FAM163A: variants seen among roughly 807,000 people sequenced by gnomAD.
FAM163A encodes the protein family with sequence similarity 163 member A.
FAM163A carries 7 observed loss-of-function variants against 12.0 expected under a neutral mutation model. That is an observed-to-expected ratio of 0.58 (90% CI 0.33 to 1.10). FAM163A has a LOEUF of 1.10. Ranked by LOEUF, FAM163A falls within the 50% of genes least tolerant of loss-of-function variation. FAM163A has a pLI of 0.03. For synonymous variants in FAM163A, 101 were observed against 91.0 expected (o/e 1.11, Z -0.62); for missense variants, 202 against 218.6 (o/e 0.92, Z 0.48).
chr1:179,775,614 G>A (rs1244855798), intron 1 of FAM163A, among the ~76,000 whole-genome samples: 1 of 152,166 alleles, frequency 6.6e-6, no homozygotes, highest in African/African-American at 2.4e-5. Context: ...TCCTATTCAG[G>A]GGAGCCTTGC....
chr1:179,728,140 G>A, the FAM163A span, among the ~76,000 whole-genome samples: 1 of 152,056 alleles, frequency 6.6e-6, no homozygotes, highest in Non-Finnish European at 1.5e-5. Flanking sequence ...CACATAGTAA[G>A]CACATCCCTA....
chr1:179,781,276 A>G (rs1245145209), intron 1 of FAM163A, among the ~76,000 whole-genome samples: 1 of 152,182 alleles, frequency 6.6e-6, no homozygotes, highest in Non-Finnish European at 1.5e-5. Flanking sequence ...TGAATTGTAC[A>G]CTTTCAGATG....
chr1:179,773,239 G>A (rs980154706), intron 1 of FAM163A, among the ~76,000 whole-genome samples: 1 of 152,038 alleles, frequency 6.6e-6, no homozygotes, highest in African/African-American at 2.4e-5. Context: ...GGCTACCAAA[G>A]GATAGCACCA....
intron 1 of FAM163A, among the ~76,000 whole-genome samples, chr1:179,751,471 T>A (rs1227835503): frequency 6.6e-6 from 1 of 151,826 alleles, no homozygotes; most frequent in Non-Finnish European, 1.5e-5. Flanking sequence ...GGAAAAGAGA[T>A]CATAGGTGGT....
chr1:179,745,709 G>A (rs999683256), intron 1 of FAM163A, among the ~76,000 whole-genome samples: 1 of 152,184 alleles, frequency 6.6e-6, no homozygotes, highest in African/African-American at 2.4e-5. Context: ...ACAAGGTTTT[G>A]CAAAATTACT....
intron 1 of FAM163A, among the ~76,000 whole-genome samples, chr1:179,784,866 C>A (rs1690379534): frequency 6.6e-6 from 1 of 152,244 alleles, no homozygotes; most frequent in East Asian, 1.9e-4. Flanking sequence ...TAACAAGTAA[C>A]TTTAATCCTC....
intron 1 of FAM163A, among the ~76,000 whole-genome samples, chr1:179,769,163 T>G (rs190344302): frequency 1.3e-3 from 193 of 152,292 alleles, no homozygotes; most frequent in African/African-American, 4.5e-3. Flanking sequence ...TTATTTACTT[T>G]GAGACAAGAT....
chr1:179,749,979 T>C (rs1557891840), intron 1 of FAM163A, among the ~76,000 whole-genome samples: 1 of 152,232 alleles, frequency 6.6e-6, no homozygotes, highest in Non-Finnish European at 1.5e-5. Flanking sequence ...TATCAGCTTA[T>C]TTATTGTCTG....
intron 1 of FAM163A, among the ~76,000 whole-genome samples, chr1:179,779,030 G>C (rs548591735): frequency 6.6e-6 from 1 of 152,290 alleles, no homozygotes; most frequent in South Asian, 2.1e-4. Flanking sequence ...GTTTAGGCAG[G>C]ACAGAAACCT....
At chr1:179,741,897 G>T (rs1049563616), upstream of FAM163A, 1 of 152,222 alleles carries the variant, frequency 6.6e-6, no homozygotes, top group Non-Finnish European at 1.5e-5. Context: ...AATGACCTGG[G>T]TGGTGTTTGG....
intron 1 of FAM163A, among the ~76,000 whole-genome samples, chr1:179,743,792 C>G (rs1035650321): frequency 3.9e-5 from 6 of 152,146 alleles, no homozygotes; most frequent in Non-Finnish European, 8.8e-5. Flanking sequence ...CGGGCCGTGC[C>G]GAAGGCGCTC....
At position 179,755,136 on chromosome 1, in the gene FAM163A, C is replaced by CAAA. The variant is rs35201060; in HGVS notation, c.-136+11727_-136+11729dup. Among the ~76,000 whole-genome samples the CAAA allele has an allele frequency of 5.0e-3, 550 of 109,386 alleles. 6 individuals are homozygous for CAAA. The highest frequency in any genetic ancestry group is 0.018 in the African/African-American group (527 of 28,634). 71.8% of individuals were successfully genotyped at this position (109,386 alleles called of 152,430 possible). A position where few individuals can be genotyped will look rare whatever the true frequency, so the allele number is the denominator to read the frequency against. Reference sequence around the variant, plus strand: ...TGGACTACAGAGCAAGACTCTGCCTCAAAAAAAAAAAAAAAAGAAAGGTCA... The same window carrying CAAA: ...TGGACTACAGAGCAAGACTCTGCCTCAAAAAAAAAAAAAAAAAAAGAAAGGTCA... On this transcript the variant is annotated intron_variant, in intron 1 of 4. Transcript: ENST00000341785.
At chr1:179,760,873 T>C (rs1296642261) in intron 1 of FAM163A, among the ~76,000 whole-genome samples, 2 of 152,204 alleles carry the variant, frequency 1.3e-5, no homozygotes, top group Non-Finnish European at 2.9e-5. Context: ...GGCTGTGGAA[T>C]GTCCTCTTCC....
At chr1:179,808,517 A>C (rs1343605457) in intron 2 of FAM163A, among the ~76,000 whole-genome samples, 1 of 152,228 alleles carries the variant, frequency 6.6e-6, no homozygotes, top group Non-Finnish European at 1.5e-5. Context: ...TGAGGGCCTC[A>C]GTCCCCAGCC....
Position 179,814,236 on chromosome 1 carries a change from G to T in FAM163A, c.*47G>T. On this transcript the variant is annotated 3_prime_UTR_variant, in exon 5 of 5. Transcript: ENST00000341785. ...CACACACCCACACTGCTGCCCTGGCGGGGGCCATGGGGGTGATGAATGACC... is the reference window on the plus strand; with the variant it reads ...CACACACCCACACTGCTGCCCTGGCTGGGGCCATGGGGGTGATGAATGACC... The T allele has an allele frequency of 1.3e-6, 2 of 1,534,238 alleles. No individual in the cohort carries two copies. Among genetic ancestry groups the T allele is most frequent in the Non-Finnish European group, 1.8e-6 (2 of 1,141,358 alleles).
intron 1 of FAM163A, among the ~76,000 whole-genome samples, chr1:179,794,182 A>G (rs1275040842): frequency 1.3e-5 from 2 of 152,194 alleles, no homozygotes; most frequent in East Asian, 3.8e-4. Context: ...TAGCCCATCA[A>G]TTCAGGGGCC....
intron 1 of FAM163A, among the ~76,000 whole-genome samples, chr1:179,747,759 A>C (rs896745851): frequency 1.3e-5 from 2 of 152,214 alleles, no homozygotes; most frequent in African/African-American, 4.8e-5. Context: ...TATGTGGCTG[A>C]GCATTGCATG....
intron 1 of FAM163A, among the ~76,000 whole-genome samples, chr1:179,753,793 C>T (rs182411467): frequency 6.6e-6 from 1 of 151,996 alleles, no homozygotes; most frequent in Non-Finnish European, 1.5e-5. Context: ...GAGAAAGACT[C>T]GGTGAAGAGA....
At chr1:179,754,624 G>A (rs77731089) in intron 1 of FAM163A, among the ~76,000 whole-genome samples, 1,570 of 152,282 alleles carry the variant, frequency 0.01, 21 homozygotes, top group African/African-American at 0.036. Context: ...TTTCCAGGCA[G>A]AGGGAGGGCC....
Sources: gnomAD v4.1 joint callset for allele counts (sites outside exome capture counted in the v4.1 genomes callset) on GRCh38, gnomAD v4.1.1 for gene constraint, MANE v1.5 for transcripts, NCBI Gene and HGNC (gene_info 2026-07-23, HGNC 2026-07-21) for gene names.